Variants in AUNIP observed in about 807,000 individuals in gnomAD.
AUNIP encodes the protein aurora kinase A and ninein interacting protein.
AUNIP carries 16 observed loss-of-function variants against 12.2 expected under a neutral mutation model. That is an observed-to-expected ratio of 1.31 (90% CI 0.88 to 1.99). The LOEUF is 1.99. AUNIP is among the 30% of genes most tolerant of loss of function. The pLI is 0.00. For synonymous variants in AUNIP, 142 were observed against 154.8 expected (o/e 0.92, Z 0.61); for missense variants, 411 against 419.1 (o/e 0.98, Z 0.17).
chr1:25,858,257 T>C (rs2048478896), intron 1 of AUNIP, among the ~76,000 whole-genome samples: 2 of 152,226 alleles, frequency 1.3e-5, no homozygotes, highest in African/African-American at 4.8e-5. Context: ...TTACTGAATT[T>C]TGGTGAGTAC....
At chr1:25,858,250 C>T (rs189110094) in intron 1 of AUNIP, among the ~76,000 whole-genome samples, 1 of 152,182 alleles carries the variant, frequency 6.6e-6, no homozygotes, top group Non-Finnish European at 1.5e-5. Context: ...ATCTACTTTA[C>T]TGAATTTTGG....
intron 1 of AUNIP, among the ~76,000 whole-genome samples, chr1:25,840,195 A>G (rs372256737): frequency 2.0e-5 from 3 of 152,218 alleles, no homozygotes; most frequent in African/African-American, 7.2e-5. Flanking sequence ...TTGAAGGAAA[A>G]TATGAACATA....
chr1:25,835,772 T>A lies in AUNIP; in HGVS notation c.295A>T (p.Asn99Tyr), dbSNP rs1293018881. The stretch of plus-strand genomic sequence containing the variant: ...ATCAAATGGTCTAGCTGGGTCGCAT[T>A]TTTCTTGGACTCTTTGTTGATCTGA... Reference protein sequence around the residue: ...ESQINKESKKNATQLDHLIPG... With the variant: ...ESQINKESKKYATQLDHLIPG... Residue 99 changes from asparagine (N) to tyrosine (Y), a missense_variant, in exon 3 of 3, where the codon AAT becomes TAT. Transcript: ENST00000374298. 1 of 1,614,206 alleles carries A rather than the reference T, an allele frequency of 6.2e-7. No homozygotes were observed. Among genetic ancestry groups the A allele is most frequent in the South Asian group, 1.1e-5 (1 of 91,084 alleles).
intron 1 of AUNIP, among the ~76,000 whole-genome samples, chr1:25,838,354 T>C (rs1306892473): frequency 6.6e-6 from 1 of 151,030 alleles, no homozygotes. Context: ...AATACAAAAA[T>C]TAGCCAGGCG....
Position 25,835,675 on chromosome 1 carries a change from C to A in AUNIP, c.392G>T (p.Gly131Val). ...AGTCTGGAGGGACTGAGGAGAGAGT[C>A]CAGCTTCCTGGATGTCTGCAGTGGT... is the stretch of plus-strand genomic sequence containing the variant. ...TSTTADIQEA[G>V]LSPQSLQTSG... Residue 131 changes from glycine to valine, a missense_variant, in exon 3 of 3, where the codon GGA becomes GTA. Coordinates refer to ENST00000374298, the MANE Select transcript of AUNIP (RefSeq NM_024037.3). 1 of 1,614,156 alleles carries A rather than the reference C, an allele frequency of 6.2e-7. No individual in the cohort carries two copies. The highest frequency in any genetic ancestry group is 8.5e-7 in the Non-Finnish European group (1 of 1,180,042).
At chr1:25,844,107 TTTTA>T (rs1274030189) in intron 1 of AUNIP, among the ~76,000 whole-genome samples, 1 of 152,098 alleles carries the variant, frequency 6.6e-6, no homozygotes, top group Admixed American at 6.5e-5. Context: ...AGTTTCATTG[TTTTA>T]TTTATTTATT....
chr1:25,858,367 T>C (rs1054978695), intron 1 of AUNIP, among the ~76,000 whole-genome samples: 2 of 152,174 alleles, frequency 1.3e-5, no homozygotes, highest in African/African-American at 4.8e-5. Flanking sequence ...TACACCTCTT[T>C]TCTTCCCTAT....
At position 25,853,619 on chromosome 1, in the gene AUNIP, CAAAACAAAAAA is replaced by C. The variant is rs528783555; in HGVS notation, c.78+5650_78+5660del. Among the ~76,000 whole-genome samples the C allele has an allele frequency of 7.6e-3, 1,162 of 152,116 alleles. 9 individuals are homozygous for C. The highest frequency in any genetic ancestry group is 0.012 in the Non-Finnish European group (836 of 67,974). On this transcript the variant is annotated intron_variant, in intron 1 of 2. Coordinates refer to ENST00000374298, the MANE Select transcript of AUNIP (RefSeq NM_024037.3). ...CAAAAAACAAACAAACAAACAAAAA[CAAAACAAAAAA>C]CATTAATCTCACACAGCTTCTCAGG... is the stretch of plus-strand genomic sequence containing the variant.
chr1:25,859,457 C>T lies in AUNIP; in HGVS notation c.-100G>A, dbSNP rs1450293781. 2 of 1,146,702 alleles carry T rather than the reference C, an allele frequency of 1.7e-6. No individual in the cohort carries two copies. The highest frequency in any genetic ancestry group is 6.3e-5 in the East Asian group (2 of 31,636). The allele number at this position is 1,146,702 out of a possible 1,614,324, so 71.0% of individuals were successfully genotyped here. On this transcript the variant is annotated 5_prime_UTR_variant, in exon 1 of 3. Coordinates refer to ENST00000374298, the MANE Select transcript of AUNIP (RefSeq NM_024037.3). ...CGCCGACGTTCGGATCTCGCGCCAA[C>T]GCTGGGGGCGGGGCTACGTCGCGAC...
At chr1:25,848,871 A>G (rs1335362657) in intron 1 of AUNIP, among the ~76,000 whole-genome samples, 2 of 152,218 alleles carry the variant, frequency 1.3e-5, no homozygotes, top group Non-Finnish European at 2.9e-5. Flanking sequence ...CTTCACTAGG[A>G]GGACACCGGA....
At position 25,852,375 on chromosome 1, in the gene AUNIP, C is replaced by T. The variant is rs191637847; in HGVS notation, c.78+6905G>A. ...TCACTCTAAATTGTATTATTTCCTT[C>T]CTTCTGGTCACTATGGGTTTAGATT... On this transcript the variant is annotated intron_variant, in intron 1 of 2. Transcript: ENST00000374298. Among the ~76,000 whole-genome samples, 305 of 151,878 alleles carry T rather than the reference C, an allele frequency of 2.0e-3. 1 individual carries two copies. Among genetic ancestry groups the T allele is most frequent in the African/African-American group, 6.7e-3 (279 of 41,422 alleles).
At chr1:25,858,282 G>A (rs181822688) in intron 1 of AUNIP, among the ~76,000 whole-genome samples, 8 of 152,194 alleles carry the variant, frequency 5.3e-5, no homozygotes, top group Non-Finnish European at 8.8e-5. Context: ...CATTGATAAA[G>A]TGTATAAAGT....
chr1:25,855,459 T>C (rs971113419), intron 1 of AUNIP, among the ~76,000 whole-genome samples: 20 of 152,274 alleles, frequency 1.3e-4, no homozygotes, highest in South Asian at 2.1e-4. Flanking sequence ...ACAGTCCTGT[T>C]TAATTTTTTT....
Position 25,834,204 on chromosome 1 carries a change from CCT to C in AUNIP, c.*787_*788del, listed in dbSNP as rs2048278572. The C allele has an allele frequency of 5.1e-6, 5 of 985,232 alleles. No homozygotes were observed. Among genetic ancestry groups the C allele is most frequent in the Non-Finnish European group, 6.0e-6 (5 of 829,932 alleles). 61.0% of individuals were successfully genotyped at this position (985,232 alleles called of 1,614,324 possible). A position where few individuals can be genotyped will look rare whatever the true frequency, so the allele number is the denominator to read the frequency against. On this transcript the variant is annotated 3_prime_UTR_variant, in exon 3 of 3. Transcript: ENST00000374298. ...AAAATAGGAAACTAGCACCATTCTA[CCT>C]CTCTTCTCTCCACACCTGGGTTGTG...
chr1:25,837,000 T>A (rs563728977), intron 2 of AUNIP, among the ~76,000 whole-genome samples: 1 of 152,282 alleles, frequency 6.6e-6, no homozygotes, highest in African/African-American at 2.4e-5. Flanking sequence ...AGAAAAAGCA[T>A]CTTTGAACCT....
In AUNIP at chr1:25,835,311, T is replaced by C. The variant is rs765756178; in HGVS notation, c.756A>G (p.Glu252=). Residue 252 remains glutamate, a synonymous_variant, in exon 3 of 3, where the codon GAA becomes GAG. Transcript: ENST00000374298. ...ATTCTATGTTTTCTCCATTCCAGGA[T>C]TCCCTGTATGTTTGAAGGAGGACAG... ...QAPVLLQTYR[E]SWNGENIESV... 21 of 1,614,224 alleles carry C rather than the reference T, an allele frequency of 1.3e-5. No individual in the cohort carries two copies. Among genetic ancestry groups the C allele is most frequent in the Non-Finnish European group, 1.8e-5 (21 of 1,180,042 alleles).
In AUNIP at chr1:25,835,798, CT is replaced by C; in HGVS notation, c.268del (p.Ser90ValfsTer14). On this transcript the variant is annotated frameshift_variant, in exon 3 of 3. Coordinates refer to ENST00000374298, the MANE Select transcript of AUNIP (RefSeq NM_024037.3). LOFTEE classifies it low-confidence loss of function (END_TRUNC). ...DQKSVSSHTE[S>X]QINKESKKNA... ...TTTCTTGGACTCTTTGTTGATCTGA[CT>C]TTCTGTATGAGATGAAACACTCTTC... The C allele has an allele frequency of 1.2e-6, 2 of 1,614,152 alleles. No homozygotes were observed. Among genetic ancestry groups the C allele is most frequent in the Non-Finnish European group, 8.5e-7 (1 of 1,180,030 alleles).
At position 25,847,410 on chromosome 1, in the gene AUNIP, C is replaced by T. The variant is rs771881825; in HGVS notation, c.79-9856G>A. Reference sequence around the variant, plus strand: ...CCGTGTAGCTGGGATTACAGGCATGCGCCACGATGCCAGCTAAATTTTTTT... The same window carrying T: ...CCGTGTAGCTGGGATTACAGGCATGTGCCACGATGCCAGCTAAATTTTTTT... On this transcript the variant is annotated intron_variant, in intron 1 of 2. Transcript: ENST00000374298. This position sits in a 1 kb window ranked among gnomAD's most constrained non-coding sequence, Gnocchi z 4.2. Among the ~76,000 whole-genome samples, 6 of 151,942 alleles carry T rather than the reference C, an allele frequency of 3.9e-5. No homozygotes were observed. The highest frequency in any genetic ancestry group is 1.3e-4 in the Admixed American group (2 of 15,246).
intron 1 of AUNIP, among the ~76,000 whole-genome samples, chr1:25,852,455 TTTTTGTTG>T (rs1164245961): frequency 6.2e-5 from 9 of 146,280 alleles, no homozygotes; most frequent in Admixed American, 3.3e-4. Flanking sequence ...AAGGTTTTTT[TTTTTGTTG>T]TTTTTTTTTT....
Sources: allele counts gnomAD v4.1 joint callset (sites outside exome capture counted in the v4.1 genomes callset), GRCh38; gene constraint gnomAD v4.1.1; non-coding constraint Gnocchi (gnomAD v3.1); transcripts MANE v1.5; gene names NCBI Gene and HGNC (gene_info 2026-07-23, HGNC 2026-07-21).